The following PSMD2 variants were observed in gnomAD, a reference collection of about 807,000 sequenced individuals.
PSMD2 encodes the protein 26S proteasome non-ATPase regulatory subunit 2.
In PSMD2, 8 loss-of-function variants were observed where a neutral mutation model predicts 101.5. The observed-to-expected ratio is 0.08, with a 90% CI of 0.05 to 0.14. The LOEUF is 0.14. Ranked by LOEUF, PSMD2 falls within the 10% of genes least tolerant of loss-of-function variation. The pLI is 1.00. For synonymous variants in PSMD2, 418 were observed against 433.8 expected, an observed-to-expected ratio of 0.96 and a Z score of 0.45; for missense variants, 784 against 1,147.4, an observed-to-expected ratio of 0.68 and a Z score of 4.58.
chr3:184,308,730 C>T lies in PSMD2; in HGVS notation c.2567C>T (p.Ala856Val). The T allele has an allele frequency of 6.2e-7, 1 of 1,613,734 alleles. No individual in the cohort carries two copies. The highest frequency in any genetic ancestry group is 1.1e-5 in the South Asian group (1 of 91,044). Residue 856 changes from alanine (A) to valine (V), a missense_variant, in exon 21 of 21, where the codon GCT (alanine) becomes GTT (valine). Ala to Val is a moderately conservative substitution (Grantham distance 64). Around this residue, in one of 6 missense-constraint regions of PSMD2, gnomAD observed 28 missense variants for 80.8 expected, o/e 0.35. Transcript: ENST00000310118. The surrounding 1 kb of genome is among the most constrained non-coding windows in gnomAD (Gnocchi z 6.0). ...VGQAVDVVGQ[A>V]GKPKTITGFQ... ...CAGGCAGTGGATGTGGTGGGCCAGG[C>T]TGGCAAGCCGAAGACTATCACAGGG...
At position 184,308,636 on chromosome 3, in the gene PSMD2, T is replaced by C; in HGVS notation, c.2544+69T>C. 1 of 1,586,124 alleles carries C rather than the reference T, an allele frequency of 6.3e-7. No individual in the cohort carries two copies. The highest frequency in any genetic ancestry group is 1.7e-5 in the Admixed American group (1 of 59,218). ...ACTGGAGAATGTACATATACTTGCTTTGCTGAAACTGGCGTGGGCGGTGGC... is the reference window on the plus strand; with the variant it reads ...ACTGGAGAATGTACATATACTTGCTCTGCTGAAACTGGCGTGGGCGGTGGC... On this transcript the variant is annotated intron_variant, in intron 20 of 20. Transcript: ENST00000310118. This position sits in a 1 kb window ranked among gnomAD's most constrained non-coding sequence, Gnocchi z 6.0.
Position 184,306,121 on chromosome 3 carries a change from T to A in PSMD2, c.1770T>A (p.Phe590Leu), listed in dbSNP as rs1721822398. 1 of 1,614,206 alleles carries A rather than the reference T, an allele frequency of 6.2e-7. No individual in the cohort carries two copies. The highest frequency in any genetic ancestry group is 2.2e-5 in the East Asian group (1 of 44,884). Residue 590 changes from phenylalanine to leucine, a missense_variant, in exon 14 of 21, where the codon TTT becomes TTA. Physicochemically the swap from Phe to Leu is conservative, Grantham distance 22. Around this residue, in one of 6 missense-constraint regions of PSMD2, gnomAD observed 282 missense variants for 437.6 expected, o/e 0.64. Coordinates refer to ENST00000310118, the MANE Select transcript of PSMD2 (RefSeq NM_002808.5). ...LEVVSEPFRS[F>L]ANTLVDVCAY... ...TTGTGTCAGAGCCATTCCGCAGTTT[T>A]GCCAACACACTGGTGGATGTGTGTG...
chr3:184,299,589 TC>T, intron 1 of PSMD2, 188 bp downstream of exon 1: 1 of 869,764 alleles, frequency 1.1e-6, no homozygotes, highest in Non-Finnish European at 1.6e-6. Context: ...ACCTCCGCCG[TC>T]CCCACCAACC....
In PSMD2 at chr3:184,304,905, A is replaced by T. The variant is rs1441402641; in HGVS notation, c.1539+514A>T. On this transcript the variant is annotated intron_variant, in intron 12 of 20. Coordinates refer to ENST00000310118, the MANE Select transcript of PSMD2 (RefSeq NM_002808.5). The surrounding 1 kb of genome is among the most constrained non-coding windows in gnomAD (Gnocchi z 4.1). ...ACCCTGTCTTTAAAAGAAAAAAAAA[A>T]TTAACATTTTAGTGTTGAGTTCTGT... Among the ~76,000 whole-genome samples, 2 of 152,060 alleles carry T rather than the reference A, an allele frequency of 1.3e-5. No homozygotes were observed. Among genetic ancestry groups the T allele is most frequent in the South Asian group, 2.1e-4 (1 of 4,826 alleles).
intron 16 of PSMD2, among the ~76,000 whole-genome samples, chr3:184,307,098 C>T (rs1560196807): frequency 6.6e-6 from 1 of 152,152 alleles, no homozygotes; most frequent in Non-Finnish European, 1.5e-5. Context: ...GCACATGCCA[C>T]CATGCCCAGC....
At chr3:184,302,247 T>C (rs1721671194) in intron 5 of PSMD2, 123 bp from the exon 6 acceptor site, 1 of 1,216,278 alleles carries the variant, frequency 8.2e-7, no homozygotes, top group African/African-American at 1.5e-5. Flanking sequence ...TTAGTAGTTC[T>C]AACATCTAGC....
In PSMD2 at chr3:184,300,459, A is replaced by C; in HGVS notation, c.357+15A>C. 1 of 1,609,854 alleles carries C rather than the reference A, an allele frequency of 6.2e-7. No individual in the cohort carries two copies. The highest frequency in any genetic ancestry group is 2.2e-5 in the East Asian group (1 of 44,840). ...GGGAGAATAAGGTAAAACTGTTTCA[A>C]ACCTGGTGGAGGCCTAGTTTAGGAA... On this transcript the variant is annotated intron_variant, in intron 3 of 20. Coordinates refer to ENST00000310118, the MANE Select transcript of PSMD2 (RefSeq NM_002808.5).
In PSMD2 at chr3:184,307,512, C is replaced by T. The variant is rs200497437; in HGVS notation, c.2190C>T (p.Gly730=). 3 of 1,614,160 alleles carry T rather than the reference C, an allele frequency of 1.9e-6. No homozygotes were observed. Among genetic ancestry groups the T allele is most frequent in the Admixed American group, 3.3e-5 (2 of 60,028 alleles). The change falls in exon 17 of 21, where the codon GGC becomes GGT. Residue 730 remains glycine, a synonymous_variant. Coordinates refer to ENST00000310118, the MANE Select transcript of PSMD2 (RefSeq NM_002808.5). ...EVSYNSIFAM[G]MVGSGTNNAR... is the part of the protein sequence containing the mutation. ...CCTATAACTCCATTTTTGCCATGGGCATGGTGGGCAGTGGTGAGTATCCGG... is the reference window on the plus strand; with the variant it reads ...CCTATAACTCCATTTTTGCCATGGGTATGGTGGGCAGTGGTGAGTATCCGG...
chr3:184,302,835 CT>C lies in PSMD2; in HGVS notation c.1008+18del, dbSNP rs1210755047. 2.5e-6 allele frequency: 4 copies of C among 1,614,028 alleles called. No homozygotes were observed. The highest frequency in any genetic ancestry group is 1.3e-5 in the African/African-American group (1 of 75,014). On this transcript the variant is annotated intron_variant, in intron 7 of 20. Coordinates refer to ENST00000310118, the MANE Select transcript of PSMD2 (RefSeq NM_002808.5). The stretch of plus-strand genomic sequence containing the variant: ...CCTTAGCTCGGGAGGTGAGACTGCC[CT>C]TTTTTCATCAAGGCCTTTTCGTCAT...
At chr3:184,302,203 G>A (rs1721669069) in intron 5 of PSMD2, 132 bp downstream of exon 5, 3 of 1,218,284 alleles carry the variant, frequency 2.5e-6, no homozygotes, top group Non-Finnish European at 3.5e-6. Flanking sequence ...TTTGATGTGT[G>A]TGAGTTTCTT....
Position 184,300,412 on chromosome 3 carries a change from A to G in PSMD2, c.325A>G (p.Ile109Val). ...TCCACACTATGGCAAACTGAAGGAA[A>G]TCTATGAGAACATGGCCCCTGGGGA... ...LRPHYGKLKE[I>V]YENMAPGENK... The change falls in exon 3 of 21, where the codon ATC (isoleucine) becomes GTC (valine). Residue 109 changes from isoleucine to valine, a missense_variant. Ile to Val is a conservative substitution (Grantham distance 29, BLOSUM62 3). Coordinates refer to ENST00000310118, the MANE Select transcript of PSMD2 (RefSeq NM_002808.5). The G allele has an allele frequency of 6.2e-7, 1 of 1,614,146 alleles. No individual in the cohort carries two copies. Among genetic ancestry groups the G allele is most frequent in the Non-Finnish European group, 8.5e-7 (1 of 1,179,978 alleles).
At position 184,306,680 on chromosome 3, in the gene PSMD2, G is replaced by A. The variant is rs1696085451; in HGVS notation, c.1951-71G>A. Reference sequence around the variant, plus strand: ...ACAGGATGGCTTTTTATTTTCAGATGGGACTTGAGTCAAGGGTGACTGTTT... The same window carrying A: ...ACAGGATGGCTTTTTATTTTCAGATAGGACTTGAGTCAAGGGTGACTGTTT... On this transcript the variant is annotated intron_variant, in intron 15 of 20. Transcript: ENST00000310118. 3 of 1,545,794 alleles carry A rather than the reference G, an allele frequency of 1.9e-6. No individual in the cohort carries two copies. The African/African-American group carries it at 4.1e-5, about 21-fold the overall frequency.
At chr3:184,307,066 TCA>T (rs1367655227) in intron 16 of PSMD2, among the ~76,000 whole-genome samples, 1 of 152,190 alleles carries the variant, frequency 6.6e-6, no homozygotes, top group Non-Finnish European at 1.5e-5. Context: ...TGCCTCAGCC[TCA>T]CAAGTAGCTG....
In PSMD2 at chr3:184,302,674, C is replaced by T; in HGVS notation, c.864-5C>T. 2 of 1,614,056 alleles carry T rather than the reference C, an allele frequency of 1.2e-6. No homozygotes were observed. Among genetic ancestry groups the T allele is most frequent in the Non-Finnish European group, 1.7e-6 (2 of 1,180,024 alleles). On this transcript the variant is annotated splice_region_variant and splice_polypyrimidine_tract_variant and intron_variant, in intron 6 of 20. Coordinates refer to ENST00000310118, the MANE Select transcript of PSMD2 (RefSeq NM_002808.5). Reference sequence around the variant, plus strand: ...GATGAGCAGATGTACGGGCTCTCTCCACAGGGTAGTACAGAAACAGATGGC... The same window carrying T: ...GATGAGCAGATGTACGGGCTCTCTCTACAGGGTAGTACAGAAACAGATGGC...
chr3:184,305,688 T>C (rs990010815), intron 12 of PSMD2, 80 bp from the exon 13 acceptor site: 4 of 1,301,880 alleles, frequency 3.1e-6, no homozygotes, highest in African/African-American at 1.5e-5. Context: ...TGCAGTGGAC[T>C]GTAGGAATAG....
intron 3 of PSMD2, 143 bp from the exon 4 acceptor site, chr3:184,301,394 G>T (rs1478584658): frequency 3.6e-6 from 4 of 1,110,546 alleles, no homozygotes; most frequent in South Asian, 1.5e-5. Flanking sequence ...GTGAGGTTTA[G>T]CTTACATAAC....
intron 3 of PSMD2, 130 bp from the exon 4 acceptor site, chr3:184,301,407 G>T: frequency 8.5e-7 from 1 of 1,182,874 alleles, no homozygotes. Context: ...TACATAACAT[G>T]TTAAATTTCT....
At chr3:184,299,829 G>C in intron 1 of PSMD2, 22 bp from the exon 2 acceptor site, 1 of 1,606,650 alleles carries the variant, frequency 6.2e-7, no homozygotes, top group Non-Finnish European at 8.5e-7. Flanking sequence ...CTCTTCATGA[G>C]CTGCTTCTCC....
chr3:184,308,556 C>T lies in PSMD2; in HGVS notation c.2533C>T (p.Arg845Cys). ...EELRPLPVSVRVGQAVDVVGQ... is the reference protein window; with the variant it reads ...EELRPLPVSVCVGQAVDVVGQ... Reference sequence around the variant, plus strand: ...GCTGCGGCCATTGCCAGTGTCTGTCCGTGTGGGCCAGGTGAGAGGCTGAGT... The same window carrying T: ...GCTGCGGCCATTGCCAGTGTCTGTCTGTGTGGGCCAGGTGAGAGGCTGAGT... Residue 845 changes from arginine to cysteine, a missense_variant, in exon 20 of 21, where the codon CGT becomes TGT. Coordinates refer to ENST00000310118, the MANE Select transcript of PSMD2 (RefSeq NM_002808.5). This position sits in a 1 kb window ranked among gnomAD's most constrained non-coding sequence, Gnocchi z 6.0. 1.9e-6 allele frequency: 3 copies of T among 1,613,572 alleles called. No individual in the cohort carries two copies. Among genetic ancestry groups the T allele is most frequent in the Non-Finnish European group, 2.5e-6 (3 of 1,179,690 alleles).
Sources: gnomAD v4.1 joint callset for allele counts (sites outside exome capture counted in the v4.1 genomes callset) on GRCh38, gnomAD v4.1.1 for gene constraint, gnomAD v4.1.1 regional missense constraint, Gnocchi (gnomAD v3.1) non-coding constraint, MANE v1.5 for transcripts, NCBI Gene and HGNC (gene_info 2026-07-23, HGNC 2026-07-21) for gene names.